Variants in TANK observed in about 807,000 individuals in gnomAD.
TANK encodes TRAF family member-associated NF-kappa-B activator.
A neutral mutation model predicts 43.6 loss-of-function variants in TANK; 15 were observed. The observed-to-expected ratio is 0.34, with a 90% CI of 0.23 to 0.53. The LOEUF is 0.53. Ranked by LOEUF, TANK falls within the 20% of genes least tolerant of loss-of-function variation. The probability of loss-of-function intolerance (pLI) is 0.94; values close to 1 mark genes in which losing one functional copy is unlikely to be tolerated. For synonymous variants in TANK, 162 were observed against 178.2 expected, an observed-to-expected ratio of 0.91 and a Z score of 0.73; for missense variants, 417 against 498.6, an observed-to-expected ratio of 0.84 and a Z score of 1.56.
At chr2:161,190,448 C>G (rs1229590226) in intron 2 of TANK, among the ~76,000 whole-genome samples, 1 of 152,174 alleles carries the variant, frequency 6.6e-6, no homozygotes, top group Non-Finnish European at 1.5e-5. Flanking sequence ...TCCTACTACT[C>G]TTGGTTACAT....
chr2:161,210,324 A>G (rs887333185), intron 4 of TANK, among the ~76,000 whole-genome samples: 2 of 152,178 alleles, frequency 1.3e-5, no homozygotes, highest in African/African-American at 4.8e-5. Flanking sequence ...TAGTTATTGA[A>G]CTCCTATTTG....
intron 1 of TANK, chr2:161,160,870 G>C (rs1168482277): frequency 4.0e-6 from 2 of 498,880 alleles, no homozygotes; most frequent in Admixed American, 2.5e-5. Flanking sequence ...CTTCGGGAGA[G>C]AGACTGCCTC....
upstream of TANK, among the ~76,000 whole-genome samples, chr2:161,157,317 G>T (rs567651580): frequency 2.0e-5 from 3 of 152,306 alleles, no homozygotes; most frequent in East Asian, 5.8e-4. Flanking sequence ...CTGTGAGTTA[G>T]AAAAAGCACC....
At chr2:161,149,739 T>C (rs1392879207) in intron 1 of TANK, among the ~76,000 whole-genome samples, 2 of 86,866 alleles carry the variant, frequency 2.3e-5, no homozygotes, top group African/African-American at 8.2e-5. Context: ...GAGATAATCA[T>C]GTGGGTTTTT....
At chr2:161,224,293 A>G (rs771299921) in intron 5 of TANK, among the ~76,000 whole-genome samples, 2 of 152,046 alleles carry the variant, frequency 1.3e-5, no homozygotes, top group African/African-American at 4.8e-5. Context: ...AGGAATATTT[A>G]ATATTCTATT....
chr2:161,199,425 A>C (rs191958633), intron 2 of TANK, among the ~76,000 whole-genome samples: 4 of 152,070 alleles, frequency 2.6e-5, no homozygotes, highest in Non-Finnish European at 5.9e-5. Context: ...GTAAGAAATA[A>C]GTGCCTTGGA....
intron 2 of TANK, among the ~76,000 whole-genome samples, chr2:161,186,141 A>G (rs1348252529): frequency 1.3e-5 from 2 of 152,158 alleles, no homozygotes; most frequent in African/African-American, 4.8e-5. Flanking sequence ...GTGAGCTGAG[A>G]TCACACAACT....
intron 1 of TANK, among the ~76,000 whole-genome samples, chr2:161,144,337 T>C (rs144993019): frequency 0.014 from 2,100 of 152,290 alleles, 54 homozygotes; most frequent in African/African-American, 0.048. Flanking sequence ...AGTTATTTCT[T>C]GTCTTCTGCT....
At chr2:161,154,047 A>G (rs1280126349) in intron 1 of TANK, among the ~76,000 whole-genome samples, 1 of 152,184 alleles carries the variant, frequency 6.6e-6, no homozygotes, top group African/African-American at 2.4e-5. Context: ...ATCAGTCATA[A>G]TGGCCATCCT....
At chr2:161,177,719 C>G (rs1328059269) in intron 1 of TANK, among the ~76,000 whole-genome samples, 1 of 152,104 alleles carries the variant, frequency 6.6e-6, no homozygotes, top group South Asian at 2.1e-4. Context: ...TCAGAGGACA[C>G]TATCAAGAAG....
At chr2:161,225,493 C>G (rs1282350911) in intron 6 of TANK, among the ~76,000 whole-genome samples, 1 of 152,162 alleles carries the variant, frequency 6.6e-6, no homozygotes, top group Non-Finnish European at 1.5e-5. Flanking sequence ...TTTGTAAATG[C>G]TGTACCCTTT....
chr2:161,223,321 G>A (rs1052468573), intron 4 of TANK: 5 of 152,042 alleles, frequency 3.3e-5, no homozygotes, highest in African/African-American at 1.2e-4. Context: ...TAATACCAGT[G>A]TAAGCCACAG....
intron 3 of TANK, 42 bp downstream of exon 3, chr2:161,203,637 G>C (rs1227077028): frequency 3.8e-6 from 5 of 1,329,046 alleles, no homozygotes; most frequent in Non-Finnish European, 5.3e-6. Context: ...AGAACCTCTT[G>C]GTGAAAAGAA....
At chr2:161,175,862 A>C (rs535511855) in intron 1 of TANK, among the ~76,000 whole-genome samples, 1 of 152,254 alleles carries the variant, frequency 6.6e-6, no homozygotes, top group East Asian at 1.9e-4. Context: ...GGTAGATGAG[A>C]GTATCCAGGC....
At chr2:161,151,727 C>A (rs1684086649) in intron 1 of TANK, among the ~76,000 whole-genome samples, 1 of 152,080 alleles carries the variant, frequency 6.6e-6, no homozygotes, top group African/African-American at 2.4e-5. Flanking sequence ...ATCCATTCTG[C>A]CAAGCTCTGC....
At chr2:161,171,401 A>G (rs1330168779) in intron 1 of TANK, among the ~76,000 whole-genome samples, 1 of 152,200 alleles carries the variant, frequency 6.6e-6, no homozygotes, top group Non-Finnish European at 1.5e-5. Flanking sequence ...TTTTTTCATT[A>G]GAGTTCTCAC....
At chr2:161,207,296 A>G (rs1686695612) in intron 4 of TANK, 1 of 653,076 alleles carries the variant, frequency 1.5e-6, no homozygotes. Context: ...GTAAGAGGAA[A>G]AGCTCCAAGT....
intron 1 of TANK, among the ~76,000 whole-genome samples, chr2:161,172,907 AGCATTAGTTGCCTGTG>A (rs1335958685): frequency 6.6e-6 from 1 of 152,116 alleles, no homozygotes; most frequent in Admixed American, 6.6e-5. Flanking sequence ...CCTAGAATAC[AGCATTAGTTGCCTGTG>A]GTATAGCCTC....
Position 161,235,732 on chromosome 2 carries a change from A to C in TANK, c.*214A>C. On this transcript the variant is annotated 3_prime_UTR_variant, in exon 8 of 8. Coordinates refer to ENST00000392749, the MANE Select transcript of TANK (RefSeq NM_001199135.3). ...GAAATAAGCCTAAAAGAAGAAAAACAAAAAAAATTCTGTATAAAACTGTAA... is the reference window on the plus strand; with the variant it reads ...GAAATAAGCCTAAAAGAAGAAAAACCAAAAAAATTCTGTATAAAACTGTAA... The C allele has an allele frequency of 2.9e-6, 1 of 344,126 alleles. No homozygotes were observed. Among genetic ancestry groups the C allele is most frequent in the Non-Finnish European group, 4.8e-6 (1 of 207,762 alleles). 21.3% of individuals were successfully genotyped at this position (344,126 alleles called of 1,614,324 possible). A position where few individuals can be genotyped will look rare whatever the true frequency, so the allele number is the denominator to read the frequency against.
Sources: allele counts gnomAD v4.1 joint callset (sites outside exome capture counted in the v4.1 genomes callset), GRCh38; gene constraint gnomAD v4.1.1; transcripts MANE v1.5; gene names NCBI Gene and HGNC (gene_info 2026-07-23, HGNC 2026-07-21).